Variants in NKAIN2 observed in about 807,000 individuals in gnomAD.
NKAIN2 encodes the protein sodium/potassium transporting ATPase interacting 2.
In NKAIN2, 14 loss-of-function variants were observed where a neutral mutation model predicts 32.6. The ratio of observed to expected loss-of-function variants is 0.43; its 90% confidence interval spans 0.28 to 0.67. The LOEUF (loss-of-function observed/expected upper bound fraction) is 0.67, where lower values mean the gene tolerates loss of function less well. NKAIN2 is among the 30% of genes least tolerant of loss of function. The pLI is 0.17. For synonymous variants in NKAIN2, 80 were observed against 87.2 expected (o/e 0.92, Z 0.46); for missense variants, 198 against 258.3 (o/e 0.77, Z 1.60).
chr6:124,561,767 C>T (rs1780701357), intron 3 of NKAIN2, among the ~76,000 whole-genome samples: 1 of 152,158 alleles, frequency 6.6e-6, no homozygotes, highest in Admixed American at 6.6e-5. Context: ...CTGTGTTCGG[C>T]TGAAATAGCC....
chr6:123,930,524 A>G (rs1776206320), intron 1 of NKAIN2, among the ~76,000 whole-genome samples: 1 of 152,198 alleles, frequency 6.6e-6, no homozygotes, highest in Non-Finnish European at 1.5e-5. Flanking sequence ...CCTGACAACT[A>G]GTGAGATGAA....
At chr6:124,054,281 G>A (rs965648855) in intron 1 of NKAIN2, among the ~76,000 whole-genome samples, 4 of 152,034 alleles carry the variant, frequency 2.6e-5, no homozygotes, top group Non-Finnish European at 5.9e-5. Flanking sequence ...CATTGCACTG[G>A]CACACTGATA....
At chr6:124,668,794 T>C (rs540415522) in intron 4 of NKAIN2, among the ~76,000 whole-genome samples, 1 of 152,290 alleles carries the variant, frequency 6.6e-6, no homozygotes, top group Admixed American at 6.5e-5. Flanking sequence ...TTGCTTACAA[T>C]TTAAAAATTA....
chr6:124,409,102 A>G (rs546452015), intron 3 of NKAIN2, among the ~76,000 whole-genome samples: 10 of 152,260 alleles, frequency 6.6e-5, no homozygotes, highest in South Asian at 2.1e-4. Flanking sequence ...GGCTGAGACA[A>G]TGGGGTTTTC....
intron 1 of NKAIN2, among the ~76,000 whole-genome samples, chr6:124,116,250 G>GTGGAGT (rs1359046297): frequency 6.6e-6 from 1 of 152,050 alleles, no homozygotes; most frequent in Non-Finnish European, 1.5e-5. Flanking sequence ...TCCACCTGGG[G>GTGGAGT]TTCCTTCAGC....
chr6:123,831,976 A>G (rs1221285683), intron 1 of NKAIN2, among the ~76,000 whole-genome samples: 1 of 152,146 alleles, frequency 6.6e-6, no homozygotes, highest in Non-Finnish European at 1.5e-5. Flanking sequence ...GCCTGTATTG[A>G]CACATTGTAA....
At chr6:124,494,062 G>A (rs1777974581) in intron 3 of NKAIN2, among the ~76,000 whole-genome samples, 1 of 152,004 alleles carries the variant, frequency 6.6e-6, no homozygotes, top group Admixed American at 6.6e-5. Context: ...CAACCTTCCT[G>A]ATTCTCCAAA....
At chr6:123,903,939 A>C (rs1582749186) in intron 1 of NKAIN2, among the ~76,000 whole-genome samples, 2 of 152,020 alleles carry the variant, frequency 1.3e-5, no homozygotes, top group African/African-American at 4.8e-5. Flanking sequence ...GAAAACAAGA[A>C]ATGATTGGCC....
chr6:124,231,708 G>A (rs925243062), intron 1 of NKAIN2, among the ~76,000 whole-genome samples: 8 of 152,070 alleles, frequency 5.3e-5, no homozygotes, highest in African/African-American at 1.9e-4. Context: ...CTTGCCTTCT[G>A]CCATGATTGC....
At chr6:123,813,722 G>A (rs894890921) in intron 1 of NKAIN2, among the ~76,000 whole-genome samples, 1 of 152,122 alleles carries the variant, frequency 6.6e-6, no homozygotes, top group Non-Finnish European at 1.5e-5. Flanking sequence ...TGAGGCATGG[G>A]AATTGCTTGA....
At chr6:124,314,124 C>T (rs1796839134) in intron 2 of NKAIN2, among the ~76,000 whole-genome samples, 1 of 152,124 alleles carries the variant, frequency 6.6e-6, no homozygotes, top group South Asian at 2.1e-4. Context: ...CTGCCAGAGG[C>T]CACCCTCTTT....
In NKAIN2 at chr6:124,407,943, C is replaced by T. The variant is rs1773947113; in HGVS notation, c.273+52596C>T. Among the ~76,000 whole-genome samples the T allele has an allele frequency of 2.6e-5, 4 of 151,420 alleles. No individual in the cohort carries two copies. The South Asian group carries it at 6.3e-4, about 24-fold the overall frequency. ...GTTTTGATTTGCATTTCTCTGATGG[C>T]CAGTGATGATGAGCATTTTTTCATG... On this transcript the variant is annotated intron_variant, in intron 3 of 6. Coordinates refer to ENST00000368417, the MANE Select transcript of NKAIN2 (RefSeq NM_001040214.3).
chr6:124,069,611 C>T (rs1240977850), intron 1 of NKAIN2, among the ~76,000 whole-genome samples: 6 of 152,146 alleles, frequency 3.9e-5, no homozygotes, highest in Non-Finnish European at 8.8e-5. Flanking sequence ...AGACAGGTGA[C>T]CTACAGCAAG....
chr6:124,617,073 A>T (rs1782934859), intron 3 of NKAIN2, among the ~76,000 whole-genome samples: 1 of 152,206 alleles, frequency 6.6e-6, no homozygotes, highest in Non-Finnish European at 1.5e-5. Context: ...TTATAAACTT[A>T]GGCAAGATGT....
Position 123,880,062 on chromosome 6 carries a change from C to G in NKAIN2, c.54+75808C>G, listed in dbSNP as rs118098851. On this transcript the variant is annotated intron_variant, in intron 1 of 6. Coordinates refer to ENST00000368417, the MANE Select transcript of NKAIN2 (RefSeq NM_001040214.3). ...AGTTCAAAGGTTTTTACTTACAGAT[C>G]CTGGGCGAGAAGGGCACAATGATTT... Among the ~76,000 whole-genome samples, 14 of 152,228 alleles carry G rather than the reference C, an allele frequency of 9.2e-5. No individual in the cohort carries two copies. The East Asian group carries it at 2.7e-3, about 30-fold the overall frequency.
At chr6:124,112,487 A>C (rs1785429727) in intron 1 of NKAIN2, among the ~76,000 whole-genome samples, 1 of 152,144 alleles carries the variant, frequency 6.6e-6, no homozygotes, top group South Asian at 2.1e-4. Context: ...GATGAATTCA[A>C]AATTCTCGTT....
chr6:124,681,487 G>T (rs114465727), intron 4 of NKAIN2, among the ~76,000 whole-genome samples: 4 of 151,972 alleles, frequency 2.6e-5, no homozygotes, highest in Non-Finnish European at 5.9e-5. Flanking sequence ...ATAGCTTGAT[G>T]TATCATCTTG....
intron 2 of NKAIN2, among the ~76,000 whole-genome samples, chr6:124,342,574 C>A (rs753049139): frequency 2.3e-4 from 35 of 151,808 alleles, no homozygotes; most frequent in Non-Finnish European, 4.9e-4. Context: ...GTGGGATGAT[C>A]TTGGCTCACT....
intron 2 of NKAIN2, among the ~76,000 whole-genome samples, chr6:124,286,813 C>T (rs889298439): frequency 1.3e-5 from 2 of 152,070 alleles, no homozygotes; most frequent in Admixed American, 6.6e-5. Flanking sequence ...TCCCAAGTAG[C>T]TGGGACTACA....
Sources: gnomAD v4.1 joint callset for allele counts (sites outside exome capture counted in the v4.1 genomes callset) on GRCh38, gnomAD v4.1.1 for gene constraint, MANE v1.5 for transcripts, NCBI Gene and HGNC (gene_info 2026-07-23, HGNC 2026-07-21) for gene names.